The following GAS2 variants were observed in gnomAD, a reference collection of about 807,000 sequenced individuals.
GAS2 encodes the protein growth arrest specific 2.
GAS2 carries 20 observed loss-of-function variants against 37.5 expected under a neutral mutation model. That is an observed-to-expected ratio of 0.53 (90% CI 0.37 to 0.77). GAS2 has a LOEUF of 0.77. Among genes scored for constraint, GAS2 ranks in the 30% least tolerant of loss-of-function variants. GAS2 has a pLI of 0.00. For missense variants in GAS2, 336 were observed against 373.4 expected, an observed-to-expected ratio of 0.90 and a Z score of 0.82; for synonymous variants, 144 against 132.2, an observed-to-expected ratio of 1.09 and a Z score of -0.61.
intron 3 of GAS2, among the ~76,000 whole-genome samples, chr11:22,687,061 G>T (rs538303600): frequency 1.2e-4 from 18 of 152,042 alleles, no homozygotes; most frequent in African/African-American, 3.9e-4. Context: ...GTGGTGGCTC[G>T]TGACTGTAAT....
At chr11:22,694,108 C>G (rs549002165) in intron 3 of GAS2, among the ~76,000 whole-genome samples, 1 of 152,166 alleles carries the variant, frequency 6.6e-6, no homozygotes, top group East Asian at 1.9e-4. Flanking sequence ...ACAACAAACC[C>G]TCTGACACAA....
chr11:22,811,925 T>A lies in GAS2; in HGVS notation c.851T>A (p.Ile284Asn). The A allele has an allele frequency of 6.2e-7, 1 of 1,614,082 alleles. No individual in the cohort carries two copies. Among genetic ancestry groups the A allele is most frequent in the Non-Finnish European group, 8.5e-7 (1 of 1,180,006 alleles). The change falls in exon 8 of 8, where the codon ATC (isoleucine) becomes AAC (asparagine). Residue 284 changes from isoleucine to asparagine, a missense_variant. Coordinates refer to ENST00000454584, the MANE Select transcript of GAS2 (RefSeq NM_001143830.3). The part of the protein sequence containing the change: ...ISRVDGKTSP[I>N]QSKSPTLKDM... ...CGTGTGGATGGCAAAACATCCCCTA[T>A]CCAAAGCAAATCTCCAACTCTAAAG...
intron 5 of GAS2, among the ~76,000 whole-genome samples, chr11:22,739,734 A>G (rs1565119639): frequency 1.3e-5 from 2 of 152,028 alleles, no homozygotes; most frequent in South Asian, 4.1e-4. Flanking sequence ...AGAACAGACA[A>G]AAAACTTTTT....
intron 7 of GAS2, among the ~76,000 whole-genome samples, chr11:22,806,244 T>C (rs1856877384): frequency 6.6e-6 from 1 of 152,166 alleles, no homozygotes. Flanking sequence ...CAATGTCCTC[T>C]GGGTTCATTC....
At chr11:22,665,642 G>C (rs1848972526), upstream of GAS2, among the ~76,000 whole-genome samples, 1 of 152,282 alleles carries the variant, frequency 6.6e-6, no homozygotes, top group Admixed American at 6.5e-5. Flanking sequence ...AAAGTTCGGA[G>C]TTCAAGGACT....
In GAS2 at chr11:22,812,428, C is replaced by CTTT. The variant is rs35549681; in HGVS notation, c.*428_*430dup. The CTTT allele has an allele frequency of 0.33, 44,838 of 136,728 alleles. 8,443 individuals are homozygous for CTTT. The highest frequency in any genetic ancestry group is 0.41 in the Non-Finnish European group (26,904 of 66,146). The allele number at this position is 136,728 out of a possible 1,614,324, so 8.5% of individuals were successfully genotyped here. On this transcript the variant is annotated 3_prime_UTR_variant, in exon 8 of 8. Coordinates refer to ENST00000454584, the MANE Select transcript of GAS2 (RefSeq NM_001143830.3). ...TTTTTATAATTGCAAGATTTTTATG[C>CTTT]TTTTTTTTTTTTTTTTTTACAAAAT...
chr11:22,726,484 T>A lies in GAS2; in HGVS notation c.409+51T>A, dbSNP rs1327148953. The A allele has an allele frequency of 6.5e-6, 10 of 1,545,228 alleles. No individual in the cohort carries two copies. The East Asian group carries it at 2.3e-4, about 35-fold the overall frequency. ...TTGATAAGATACGCAAATTATCTTT[T>A]GTCTTTGTCAGTATAGCCATCAAAA... is the stretch of plus-strand genomic sequence containing the variant. On this transcript the variant is annotated intron_variant, in intron 4 of 7. Transcript: ENST00000454584.
At chr11:22,680,173 G>C (rs1849612578) in intron 2 of GAS2, among the ~76,000 whole-genome samples, 1 of 151,854 alleles carries the variant, frequency 6.6e-6, no homozygotes, top group Non-Finnish European at 1.5e-5. Context: ...TCACATTCTT[G>C]GTATGGCCAA....
chr11:22,708,629 A>G (rs1406677693), intron 3 of GAS2, among the ~76,000 whole-genome samples: 1 of 152,172 alleles, frequency 6.6e-6, no homozygotes, highest in Non-Finnish European at 1.5e-5. Context: ...TATGGAATAT[A>G]TGCCTCGGCT....
chr11:22,762,208 T>C (rs1419262527), intron 7 of GAS2, among the ~76,000 whole-genome samples: 1 of 152,192 alleles, frequency 6.6e-6, no homozygotes, highest in Non-Finnish European at 1.5e-5. Context: ...TTTTCATTTT[T>C]ACCTTCAAAT....
intron 1 of GAS2, among the ~76,000 whole-genome samples, chr11:22,631,243 G>T (rs1858740832): frequency 6.6e-6 from 1 of 152,062 alleles, no homozygotes; most frequent in Non-Finnish European, 1.5e-5. Flanking sequence ...AGTCTTTGGG[G>T]TTTCCTAGGT....
intron 7 of GAS2, among the ~76,000 whole-genome samples, chr11:22,779,057 T>C (rs1283731615): frequency 6.6e-6 from 1 of 151,856 alleles, no homozygotes; most frequent in Non-Finnish European, 1.5e-5. Context: ...TTTTTTTTTT[T>C]TCTCTTCAGT....
chr11:22,691,920 T>C (rs1238177666), intron 3 of GAS2, among the ~76,000 whole-genome samples: 1 of 152,210 alleles, frequency 6.6e-6, no homozygotes, highest in African/African-American at 2.4e-5. Context: ...AGCCAAATTA[T>C]TCACCTCCAA....
upstream of GAS2, among the ~76,000 whole-genome samples, chr11:22,664,315 A>G (rs1166026358): frequency 2.1e-5 from 2 of 94,492 alleles, no homozygotes; most frequent in African/African-American, 3.6e-5. Flanking sequence ...AAGGAGAGTT[A>G]TCTACATAGG....
At chr11:22,772,866 G>A (rs555271364) in intron 7 of GAS2, among the ~76,000 whole-genome samples, 51 of 152,256 alleles carry the variant, frequency 3.3e-4, no homozygotes, top group African/African-American at 1.1e-3. Context: ...GTAAAATCAA[G>A]AGCAAAGCAT....
At chr11:22,683,902 A>G (rs1241256757) in intron 2 of GAS2, among the ~76,000 whole-genome samples, 5 of 152,238 alleles carry the variant, frequency 3.3e-5, no homozygotes, top group Admixed American at 6.5e-5. Context: ...AACACTGCAT[A>G]CAAAACATAC....
chr11:22,639,560 G>A (rs1174337151), intron 1 of GAS2, among the ~76,000 whole-genome samples: 1 of 152,044 alleles, frequency 6.6e-6, no homozygotes, highest in African/African-American at 2.4e-5. Context: ...CCTTACAAAA[G>A]GGGAAAATCG....
chr11:22,642,983 TAG>T lies in GAS2; in HGVS notation c.-21+17173_-21+17174del, dbSNP rs1266673408. Among the ~76,000 whole-genome samples the T allele has an allele frequency of 2.6e-5, 4 of 152,204 alleles. No individual in the cohort carries two copies. The East Asian group carries it at 7.7e-4, about 29-fold the overall frequency. ...TCACGACTTCTTATTGCTCAGTGCA[TAG>T]AGTCTAAGGTCCTATGTATGTTTCT... On this transcript the variant is annotated intron_variant, in intron 1 of 5. Coordinates refer to the GAS2 transcript ENST00000528582.
chr11:22,643,408 T>A (rs1381700382), intron 1 of GAS2, among the ~76,000 whole-genome samples: 1 of 151,180 alleles, frequency 6.6e-6, no homozygotes, highest in Admixed American at 6.6e-5. Context: ...AAGGGGCTTC[T>A]ATGACTTTTA....
Sources: allele counts gnomAD v4.1 joint callset (sites outside exome capture counted in the v4.1 genomes callset), GRCh38; gene constraint gnomAD v4.1.1; transcripts MANE v1.5; gene names NCBI Gene and HGNC (gene_info 2026-07-23, HGNC 2026-07-21).